The following VGLL4 variants were observed in gnomAD, a reference collection of about 807,000 sequenced individuals.
VGLL4 encodes the protein vestigial like family member 4.
In VGLL4, 7 loss-of-function variants were observed where a neutral mutation model predicts 21.0. That is an observed-to-expected ratio of 0.33 (90% CI 0.19 to 0.63). The LOEUF (loss-of-function observed/expected upper bound fraction) is 0.63. Among genes scored for constraint, VGLL4 ranks in the 20% least tolerant of loss-of-function variants. The pLI, the probability that VGLL4 is intolerant of heterozygous loss-of-function variation, is 0.78. For missense variants in VGLL4, 394 were observed against 425.7 expected (o/e 0.93, Z 0.66); for synonymous variants, 222 against 173.2 (o/e 1.28, Z -2.21).
intron 2 of VGLL4, among the ~76,000 whole-genome samples, chr3:11,650,455 A>C (rs2075853951): frequency 6.6e-6 from 1 of 152,236 alleles, no homozygotes; most frequent in Non-Finnish European, 1.5e-5. Flanking sequence ...AAGAAAAGCC[A>C]AATGATCAAA....
intron 2 of VGLL4, among the ~76,000 whole-genome samples, chr3:11,573,120 C>T (rs1348255217): frequency 6.6e-6 from 1 of 151,278 alleles, no homozygotes; most frequent in Admixed American, 6.6e-5. Context: ...GAGCCAAGAT[C>T]GAGCCATTGC....
intron 1 of VGLL4, among the ~76,000 whole-genome samples, chr3:11,629,067 T>C (rs2075419875): frequency 6.6e-6 from 1 of 152,198 alleles, no homozygotes; most frequent in African/African-American, 2.4e-5. Flanking sequence ...TAGACATTAA[T>C]GATTTTTTGT....
chr3:11,626,384 C>A (rs200101466), intron 1 of VGLL4: 83 of 456,760 alleles, frequency 1.8e-4, no homozygotes, highest in Non-Finnish European at 1.9e-4. Context: ...TATCCAAGTG[C>A]CACTCTTTTC....
At chr3:11,592,939 C>A (rs1199448976) in intron 2 of VGLL4, among the ~76,000 whole-genome samples, 1 of 152,226 alleles carries the variant, frequency 6.6e-6, no homozygotes, top group Non-Finnish European at 1.5e-5. Flanking sequence ...CCTCCCAATT[C>A]TCTGGATGCT....
At chr3:11,607,721 A>G (rs2074976933) in intron 1 of VGLL4, among the ~76,000 whole-genome samples, 1 of 152,246 alleles carries the variant, frequency 6.6e-6, no homozygotes, top group Non-Finnish European at 1.5e-5. Context: ...ACAATTAAGA[A>G]CAGGCATTTG....
intron 2 of VGLL4, among the ~76,000 whole-genome samples, chr3:11,650,643 G>T (rs1294799325): frequency 6.6e-6 from 1 of 152,040 alleles, no homozygotes; most frequent in African/African-American, 2.4e-5. Flanking sequence ...TCCTCCCAGG[G>T]TTTCAAGTAA....
chr3:11,661,602 GCTGGGA>G (rs2076040251), intron 2 of VGLL4, among the ~76,000 whole-genome samples: 4 of 151,996 alleles, frequency 2.6e-5, no homozygotes, highest in Admixed American at 6.6e-5. Flanking sequence ...TCCTGGAGTA[GCTGGGA>G]CTACAGGTGT....
chr3:11,693,136 A>C (rs141086712), intron 2 of VGLL4: 5,484 of 212,104 alleles, frequency 0.026, 275 homozygotes, highest in East Asian at 0.17. Flanking sequence ...GTGCCACTAT[A>C]CTCCAGTCTG....
intron 1 of VGLL4, among the ~76,000 whole-genome samples, chr3:11,627,147 T>C (rs2075364879): frequency 6.6e-6 from 1 of 151,968 alleles, no homozygotes. Flanking sequence ...CTCTTCACTT[T>C]ATAGGCATAC....
intron 3 of VGLL4, 150 bp downstream of exon 3, chr3:11,564,647 G>C: frequency 2.4e-6 from 2 of 826,772 alleles, no homozygotes; most frequent in Non-Finnish European, 3.6e-6. Context: ...GTGCACAACA[G>C]AGGCGAAGGG....
At chr3:11,562,525 G>A (rs1311009942) in intron 3 of VGLL4, among the ~76,000 whole-genome samples, 1 of 152,216 alleles carries the variant, frequency 6.6e-6, no homozygotes, top group Non-Finnish European at 1.5e-5. Flanking sequence ...CTGAGCTGCA[G>A]GATGACACCC....
intron 1 of VGLL4, among the ~76,000 whole-genome samples, chr3:11,709,493 C>T (rs1236165561): frequency 2.0e-5 from 3 of 150,592 alleles, no homozygotes; most frequent in Non-Finnish European, 3.0e-5. Context: ...CTCCACTGCA[C>T]TGCAAACCAG....
rs10592668 is a variant in VGLL4, at chr3:11,590,663, A to AGTGTGT, written c.272+11164_272+11169dup. 1.8e-3 allele frequency among the ~76,000 whole-genome samples: 262 copies of AGTGTGT among 147,352 alleles called. 1 individual carries two copies. Among genetic ancestry groups the AGTGTGT allele is most frequent in the Admixed American group, 6.0e-3 (88 of 14,758 alleles). On this transcript the variant is annotated intron_variant, in intron 2 of 4. Coordinates refer to ENST00000430365, the MANE Select transcript of VGLL4 (RefSeq NM_001128219.3). ...TCTGTGAAGAAATTTCAAAATGAAG[A>AGTGTGT]GTGTGTGTGTGTGTGTGTGTGTGTG... is the stretch of plus-strand genomic sequence containing the variant.
At position 11,568,990 on chromosome 3, in the gene VGLL4, A is replaced by C. The variant is rs2073665002; in HGVS notation, c.273-3971T>G. On this transcript the variant is annotated intron_variant, in intron 2 of 4. Coordinates refer to ENST00000430365, the MANE Select transcript of VGLL4 (RefSeq NM_001128219.3). This position sits in a 1 kb window ranked among gnomAD's most constrained non-coding sequence, Gnocchi z 5.9. ...AGGGAGGGAAAGAGAGGCCTACAAC[A>C]CCATCATCCAGGACAGAGCTTTCTG... 2.3e-5 allele frequency: 25 copies of C among 1,103,130 alleles called. No homozygotes were observed. Among genetic ancestry groups the C allele is most frequent in the African/African-American group, 3.3e-5 (2 of 61,094 alleles). 68.3% of individuals were successfully genotyped at this position (1,103,130 alleles called of 1,614,324 possible).
rs2073852874 is a variant in VGLL4 at position 11,573,247 on chromosome 3, GAAAGAAAGAA to G, written c.273-8238_273-8229del. 5.9e-4 allele frequency among the ~76,000 whole-genome samples: 28 copies of G among 47,788 alleles called. 2 individuals are homozygous for G. The highest frequency in any genetic ancestry group is 1.5e-3 in the Admixed American group (7 of 4,560). The allele number at this position is 47,788 out of a possible 152,430, so 31.4% of individuals were successfully genotyped here. A position where few individuals can be genotyped will look rare whatever the true frequency, so the allele number is the denominator to read the frequency against. Reference sequence around the variant, plus strand: ...GACAGACAGAAAGAAAAGAAATAGAGAAAGAAAGAAAGAAAGAAAGAAAGAAAGAAAGAAA... The same window carrying G: ...GACAGACAGAAAGAAAAGAAATAGAGAGAAAGAAAGAAAGAAAGAAAGAAA... On this transcript the variant is annotated intron_variant, in intron 2 of 4. Coordinates refer to ENST00000430365, the MANE Select transcript of VGLL4 (RefSeq NM_001128219.3).
intron 2 of VGLL4, among the ~76,000 whole-genome samples, chr3:11,655,528 C>A (rs2075944659): frequency 6.6e-6 from 1 of 152,228 alleles, no homozygotes; most frequent in Non-Finnish European, 1.5e-5. Context: ...CCATTCTCAG[C>A]CTATCTTCTT....
chr3:11,564,769 C>G, intron 3 of VGLL4, 28 bp downstream of exon 3: 3 of 1,535,420 alleles, frequency 2.0e-6, no homozygotes, highest in Non-Finnish European at 2.6e-6. Flanking sequence ...CTGGACTCCC[C>G]ACGCCACCCT....
intron 2 of VGLL4, among the ~76,000 whole-genome samples, chr3:11,582,929 T>C (rs2074271190): frequency 6.6e-6 from 1 of 152,144 alleles, no homozygotes; most frequent in Admixed American, 6.5e-5. Flanking sequence ...CTGCCACAGA[T>C]GGTGACTCCA....
Position 11,564,924 on chromosome 3 carries a change from C to T in VGLL4, c.368G>A (p.Gly123Asp). The T allele has an allele frequency of 6.3e-7, 1 of 1,595,352 alleles. No individual in the cohort carries two copies. Among genetic ancestry groups the T allele is most frequent in the Non-Finnish European group, 8.5e-7 (1 of 1,171,180 alleles). Residue 123 changes from glycine (G) to aspartate (D), a missense_variant, in exon 3 of 5, where the codon GGC (glycine) becomes GAC (aspartate). Physicochemically the swap from Gly to Asp is moderately conservative, Grantham distance 94. Transcript: ENST00000430365. ...GGGGAGGGAGGTGTACAGGTGGCTG[C>T]CGTGCAGGCTCATGGTGGGGGCCAC... is the stretch of plus-strand genomic sequence containing the variant. ...RAVAPTMSLH[G>D]SHLYTSLPSL...
Sources: gnomAD v4.1 joint callset for allele counts (sites outside exome capture counted in the v4.1 genomes callset) on GRCh38, gnomAD v4.1.1 for gene constraint, Gnocchi (gnomAD v3.1) non-coding constraint, MANE v1.5 for transcripts, NCBI Gene and HGNC (gene_info 2026-07-23, HGNC 2026-07-21) for gene names.